The following SCAF11 variants were observed in gnomAD, a reference collection of about 807,000 sequenced individuals.
SCAF11 encodes SR-related CTD associated factor 11.
Under a neutral mutation model 140.5 loss-of-function variants are expected in SCAF11, and 47 were observed. The ratio of observed to expected loss-of-function variants is 0.33; its 90% CI spans 0.26 to 0.43. The LOEUF is 0.43. SCAF11 is among the 20% of genes least tolerant of loss of function. SCAF11 has a pLI of 1.00. For missense variants in SCAF11, 1,645 were observed against 1,705.1 expected (o/e 0.96, Z 0.62); for synonymous variants, 557 against 579.4 (o/e 0.96, Z 0.55).
chr12:45,989,916 A>G (rs1312276708), intron 1 of SCAF11, among the ~76,000 whole-genome samples: 2 of 152,194 alleles, frequency 1.3e-5, no homozygotes, highest in Non-Finnish European at 2.9e-5. Flanking sequence ...GAAGCTCAGC[A>G]GGACACGTTT....
intron 6 of SCAF11, among the ~76,000 whole-genome samples, chr12:45,941,064 A>G (rs1945288477): frequency 1.3e-5 from 2 of 152,192 alleles, no homozygotes; most frequent in Non-Finnish European, 2.9e-5. Flanking sequence ...TGAACTCAAG[A>G]GTGAGAAAAG....
rs375742022 is a variant in SCAF11, at chr12:45,927,822, C to T, written c.1879G>A (p.Val627Ile). Residue 627 changes from valine (V) to isoleucine (I), a missense_variant, in exon 11 of 15, where the codon GTT becomes ATT. By Grantham distance (29) the Val-to-Ile change is conservative. Around this residue, in one of 2 missense-constraint regions of SCAF11, gnomAD observed 1,582 missense variants for 1,609.2 expected, o/e 0.98. Coordinates refer to ENST00000369367, the MANE Select transcript of SCAF11 (RefSeq NM_004719.3). Reference protein sequence around the residue: ...EIIQTVDRQSVKSPEVQLLGH... With the variant: ...EIIQTVDRQSIKSPEVQLLGH... ...AGCAATTGAACCTCTGGGCTCTTAA[C>T]AGATTGTCTGTCCACTGTCTGTATA... 17 of 1,613,914 alleles carry T rather than the reference C, an allele frequency of 1.1e-5. No individual in the cohort carries two copies. The highest frequency in any genetic ancestry group is 1.6e-4 in the Middle Eastern group (1 of 6,082).
intron 5 of SCAF11, 67 bp downstream of exon 5, chr12:45,948,370 A>G: frequency 1.0e-6 from 1 of 1,001,702 alleles, no homozygotes; most frequent in African/African-American, 1.6e-5. Context: ...TTTTTTTAAT[A>G]CCTTTTTTGT....
In SCAF11 at chr12:45,921,984, A is replaced by C. The variant is rs778119654; in HGVS notation, c.*64T>G. 3.9e-6 allele frequency: 6 copies of C among 1,520,780 alleles called. No homozygotes were observed. Among genetic ancestry groups the C allele is most frequent in the Non-Finnish European group, 5.3e-6 (6 of 1,129,438 alleles). 94.2% of individuals were successfully genotyped at this position (1,520,780 alleles called of 1,614,324 possible). On this transcript the variant is annotated 3_prime_UTR_variant, in exon 15 of 15. Transcript: ENST00000369367. ...CACAGTTATGTATGATTTTCAGTTAATGGTACATGTTGAAATTGCACTTTG... is the reference window on the plus strand; with the variant it reads ...CACAGTTATGTATGATTTTCAGTTACTGGTACATGTTGAAATTGCACTTTG...
At chr12:45,970,349 C>T (rs1946045143) in intron 1 of SCAF11, among the ~76,000 whole-genome samples, 1 of 152,108 alleles carries the variant, frequency 6.6e-6, no homozygotes, top group South Asian at 2.1e-4. Flanking sequence ...GATATTTTGT[C>T]AAAAAGGTAA....
At position 45,927,237 on chromosome 12, in the gene SCAF11, C is replaced by T; in HGVS notation, c.2464G>A (p.Glu822Lys). 6.2e-7 allele frequency: 1 copy of T among 1,614,094 alleles called. No homozygotes were observed. The highest frequency in any genetic ancestry group is 8.5e-7 in the Non-Finnish European group (1 of 1,180,014). ...KRPQSPSPRRETGKESRKSQS... is the reference protein window; with the variant it reads ...KRPQSPSPRRKTGKESRKSQS... Reference sequence around the variant, plus strand: ...GACTTCCTGCTTTCTTTCCCAGTTTCTCTTCTGGGAGATGGAGACTGGGGC... The same window carrying T: ...GACTTCCTGCTTTCTTTCCCAGTTTTTCTTCTGGGAGATGGAGACTGGGGC... Residue 822 changes from glutamate to lysine, a missense_variant, in exon 11 of 15, where the codon GAA becomes AAA. Glu to Lys is a moderately conservative substitution (Grantham distance 56). Around this residue, in one of 2 missense-constraint regions of SCAF11, gnomAD observed 1,582 missense variants for 1,609.2 expected, o/e 0.98. Transcript: ENST00000369367.
chr12:45,969,279 GTAAAC>G (rs1409715681), intron 1 of SCAF11, among the ~76,000 whole-genome samples: 1 of 152,186 alleles, frequency 6.6e-6, no homozygotes, highest in Non-Finnish European at 1.5e-5. Context: ...TCCTAATAAT[GTAAAC>G]TATTCTTTAG....
At chr12:45,954,316 T>C (rs1056892581) in intron 3 of SCAF11, among the ~76,000 whole-genome samples, 5 of 152,002 alleles carry the variant, frequency 3.3e-5, no homozygotes, top group African/African-American at 1.2e-4. Flanking sequence ...ACTAAGGCCT[T>C]TGCCTCCCAG....
intron 1 of SCAF11, among the ~76,000 whole-genome samples, chr12:45,984,371 G>T (rs1163466103): frequency 6.6e-6 from 1 of 151,982 alleles, no homozygotes; most frequent in Non-Finnish European, 1.5e-5. Flanking sequence ...TTAGATTCAG[G>T]TTGTACACTA....
At chr12:45,956,222 A>G (rs753395237) in intron 3 of SCAF11, 18 of 710,464 alleles carry the variant, frequency 2.5e-5, no homozygotes, top group Non-Finnish European at 4.4e-5. Context: ...GTGTTAAGAC[A>G]AGTGCTTAAA....
intron 3 of SCAF11, among the ~76,000 whole-genome samples, chr12:45,953,483 G>C (rs992553465): frequency 5.9e-5 from 9 of 152,188 alleles, no homozygotes; most frequent in African/African-American, 1.9e-4. Flanking sequence ...GTTCGAGGCT[G>C]TAGTAAGCCA....
chr12:45,978,374 CTTATA>C (rs1478885996), intron 1 of SCAF11, among the ~76,000 whole-genome samples: 1 of 152,154 alleles, frequency 6.6e-6, no homozygotes, highest in Non-Finnish European at 1.5e-5. Context: ...CTAAAGCTCT[CTTATA>C]TTTATTTCCG....
intron 10 of SCAF11, among the ~76,000 whole-genome samples, chr12:45,930,117 C>A (rs1184133458): frequency 6.6e-6 from 1 of 151,852 alleles, no homozygotes; most frequent in African/African-American, 2.4e-5. Context: ...TTATTGATAC[C>A]CTAAGTTTAT....
At chr12:45,972,931 T>G (rs11183265) in intron 1 of SCAF11, among the ~76,000 whole-genome samples, 38 of 76,186 alleles carry the variant, frequency 5.0e-4, no homozygotes, top group African/African-American at 2.8e-3. Flanking sequence ...GATATATAGA[T>G]ATATATAGAT....
At chr12:45,991,875 C>T (rs761063377), upstream of SCAF11, 5 of 1,283,044 alleles carry the variant, frequency 3.9e-6, no homozygotes, top group South Asian at 3.8e-5. Flanking sequence ...GCTCCCCGCG[C>T]GCGGCTCACC....
chr12:45,980,142 A>T (rs1385387254), intron 1 of SCAF11, among the ~76,000 whole-genome samples: 5 of 152,244 alleles, frequency 3.3e-5, no homozygotes, highest in Non-Finnish European at 7.3e-5. Context: ...TCGAAAAGCC[A>T]GCATTAAGTA....
In SCAF11 at chr12:45,927,966, C is replaced by G; in HGVS notation, c.1735G>C (p.Val579Leu). ...SDLSENVESVVNEEKITESSL... is the reference protein window; with the variant it reads ...SDLSENVESVLNEEKITESSL... Reference sequence around the variant, plus strand: ...CTCTCTGTTATTTTTTCTTCATTAACCACTGACTCTACATTCTCAGATAAG... The same window carrying G: ...CTCTCTGTTATTTTTTCTTCATTAAGCACTGACTCTACATTCTCAGATAAG... The change falls in exon 11 of 15, where the codon GTT becomes CTT. Residue 579 changes from valine (V) to leucine (L), a missense_variant. Around this residue, in one of 2 missense-constraint regions of SCAF11, gnomAD observed 1,582 missense variants for 1,609.2 expected, o/e 0.98. Coordinates refer to ENST00000369367, the MANE Select transcript of SCAF11 (RefSeq NM_004719.3). 6.2e-7 allele frequency: 1 copy of G among 1,613,248 alleles called. No individual in the cohort carries two copies. Among genetic ancestry groups the G allele is most frequent in the Non-Finnish European group, 8.5e-7 (1 of 1,179,970 alleles).
intron 6 of SCAF11, among the ~76,000 whole-genome samples, chr12:45,941,434 C>G (rs752521395): frequency 6.6e-5 from 10 of 152,122 alleles, no homozygotes; most frequent in Non-Finnish European, 1.5e-4. Context: ...AACACAAGAT[C>G]TAAATTTCAA....
chr12:45,974,092 T>G, intron 1 of SCAF11: 2 of 414,426 alleles, frequency 4.8e-6, no homozygotes, highest in South Asian at 3.6e-5. Flanking sequence ...CACACAAAAT[T>G]TTTGGTTTCC....
Sources: allele counts gnomAD v4.1 joint callset (sites outside exome capture counted in the v4.1 genomes callset), GRCh38; gene constraint gnomAD v4.1.1; regional missense constraint gnomAD v4.1.1; transcripts MANE v1.5; gene names NCBI Gene and HGNC (gene_info 2026-07-23, HGNC 2026-07-21).